The following ERMP1 variants were observed in gnomAD, a reference collection of about 807,000 sequenced individuals.
ERMP1 encodes the protein endoplasmic reticulum metallopeptidase 1, also known as Felix-ina.
In ERMP1, 86 loss-of-function variants were observed where a neutral mutation model predicts 92.0. That is an observed-to-expected ratio of 0.93 (90% CI 0.79 to 1.12). The LOEUF (loss-of-function observed/expected upper bound fraction) is 1.12, where lower values mean the gene tolerates loss of function less well. Among genes scored for constraint, ERMP1 ranks in the 50% most tolerant of loss-of-function variants. The pLI is 0.00. For synonymous variants in ERMP1, 530 were observed against 412.8 expected (o/e 1.28, Z -3.44); for missense variants, 1,342 against 1,116.3 (o/e 1.20, Z -2.88).
chr9:5,823,686 A>G (rs1464607991), intron 4 of ERMP1, among the ~76,000 whole-genome samples: 1 of 151,566 alleles, frequency 6.6e-6, no homozygotes, highest in African/African-American at 2.4e-5. Flanking sequence ...TTTGAACAAC[A>G]CTTGGCATAT....
intron 4 of ERMP1, among the ~76,000 whole-genome samples, chr9:5,823,527 G>C (rs1423413319): frequency 1.3e-5 from 2 of 152,122 alleles, no homozygotes; most frequent in Admixed American, 6.5e-5. Flanking sequence ...GGACTGTCTA[G>C]GTTCAAATCA....
Position 5,833,114 on chromosome 9 carries a change from T to A in ERMP1, c.-87A>T. The A allele has an allele frequency of 1.7e-6, 2 of 1,199,082 alleles. No individual in the cohort carries two copies. Among genetic ancestry groups the A allele is most frequent in the Non-Finnish European group, 2.2e-6 (2 of 910,514 alleles). The allele number at this position is 1,199,082 out of a possible 1,614,324, so 74.3% of individuals were successfully genotyped here. On this transcript the variant is annotated 5_prime_UTR_variant, in exon 1 of 15. Transcript: ENST00000339450. ...ACGCCGCCGTCGCTGCCGCAGCGCC[T>A]CCTAGTGAGCGGACGGAAACTGCAG...
intron 13 of ERMP1, among the ~76,000 whole-genome samples, chr9:5,791,770 A>G (rs943767671): frequency 2.6e-5 from 4 of 152,204 alleles, no homozygotes; most frequent in African/African-American, 9.7e-5. Context: ...TAACAATTCA[A>G]CACATGTCTT....
Position 5,828,681 on chromosome 9 carries a change from C to T in ERMP1, c.640+2046G>A, listed in dbSNP as rs556862611. Among the ~76,000 whole-genome samples the T allele has an allele frequency of 2.0e-5, 3 of 152,318 alleles. No homozygotes were observed. In the South Asian group the frequency reaches 6.2e-4, roughly 32 times the overall value. Reference sequence around the variant, plus strand: ...ATTTTCCTTGAGTATCTCCCATGTACATGAAGTGCATGTGTTAATAAACTT... The same window carrying T: ...ATTTTCCTTGAGTATCTCCCATGTATATGAAGTGCATGTGTTAATAAACTT... On this transcript the variant is annotated intron_variant, in intron 2 of 14. Transcript: ENST00000339450.
chr9:5,809,756 G>T (rs1033567742), intron 8 of ERMP1, among the ~76,000 whole-genome samples: 15 of 152,246 alleles, frequency 9.9e-5, no homozygotes, highest in East Asian at 3.8e-4. Flanking sequence ...GTAGAAGGCT[G>T]TGCTAACAAG....
chr9:5,825,621 T>A (rs533199296), intron 2 of ERMP1, among the ~76,000 whole-genome samples: 3 of 152,236 alleles, frequency 2.0e-5, no homozygotes, highest in East Asian at 3.8e-4. Context: ...GCTTCCTGCA[T>A]CATCTCCCAC....
At chr9:5,821,618 C>T (rs1167924503) in intron 4 of ERMP1, among the ~76,000 whole-genome samples, 6 of 152,094 alleles carry the variant, frequency 3.9e-5, no homozygotes, top group African/African-American at 1.4e-4. Context: ...AATATGTTAA[C>T]ATACGTACAT....
chr9:5,802,689 A>T (rs1311935133), intron 10 of ERMP1, among the ~76,000 whole-genome samples: 1 of 152,168 alleles, frequency 6.6e-6, no homozygotes, highest in Non-Finnish European at 1.5e-5. Context: ...CCCAGCAAGC[A>T]ATCAGTTAAT....
intron 13 of ERMP1, among the ~76,000 whole-genome samples, chr9:5,790,421 A>T (rs1354017088): frequency 6.6e-6 from 1 of 152,242 alleles, no homozygotes; most frequent in East Asian, 1.9e-4. Flanking sequence ...ATACTGTGAC[A>T]ACTGAGGCCA....
At chr9:5,826,450 T>C (rs1021865460) in intron 2 of ERMP1, among the ~76,000 whole-genome samples, 4 of 152,208 alleles carry the variant, frequency 2.6e-5, no homozygotes, top group Admixed American at 2.6e-4. Context: ...TCACACAAGA[T>C]AATGCCCAGT....
chr9:5,808,439 G>A lies in ERMP1; in HGVS notation c.1548+1572C>T, dbSNP rs564991029. Among the ~76,000 whole-genome samples the A allele has an allele frequency of 3.0e-4, 46 of 152,264 alleles. No homozygotes were observed. The South Asian group carries it at 6.2e-3, about 21-fold the overall frequency. On this transcript the variant is annotated intron_variant, in intron 8 of 14. Coordinates refer to ENST00000339450, the MANE Select transcript of ERMP1 (RefSeq NM_024896.3). ...AATATGAGCTCAACCATAAGCAGAC[G>A]GCTAACCTCAAAGAACCTTCCTTCA... is the stretch of plus-strand genomic sequence containing the variant.
At chr9:5,795,130 C>T (rs962396624) in intron 13 of ERMP1, among the ~76,000 whole-genome samples, 3 of 152,000 alleles carry the variant, frequency 2.0e-5, no homozygotes, top group African/African-American at 7.3e-5. Flanking sequence ...CATCAAAAGG[C>T]TAAGAAAGAA....
chr9:5,810,121 G>C lies in ERMP1; in HGVS notation c.1438C>G (p.Gln480Glu). The C allele has an allele frequency of 1.9e-6, 3 of 1,613,648 alleles. No individual in the cohort carries two copies. The highest frequency in any genetic ancestry group is 2.5e-6 in the Non-Finnish European group (3 of 1,179,576). The change falls in exon 8 of 15, where the codon CAG (glutamine) becomes GAG (glutamate). Residue 480 changes from glutamine (Q) to glutamate (E), a missense_variant. By Grantham distance (29) the Gln-to-Glu change is conservative. Coordinates refer to ENST00000339450, the MANE Select transcript of ERMP1 (RefSeq NM_024896.3). ...AAGTGGTTATACCATGAGAGAGACT[G>C]TCCAATAAGAGAGATGAACACTGCT... Reference protein sequence around the residue: ...IIAVFISLIGQSLSWYNHFYV... With the variant: ...IIAVFISLIGESLSWYNHFYV...
At chr9:5,857,061 C>T (rs1359083916) in intron 6 of ERMP1, among the ~76,000 whole-genome samples, 1 of 152,014 alleles carries the variant, frequency 6.6e-6, no homozygotes, top group Non-Finnish European at 1.5e-5. Context: ...TACTCTGTCA[C>T]CCAAGCTGGA....
chr9:5,798,768 G>C (rs200968138), intron 12 of ERMP1, 38 bp downstream of exon 12: 3 of 1,399,052 alleles, frequency 2.1e-6, no homozygotes, highest in East Asian at 2.3e-5. Flanking sequence ...CAAGACTTGA[G>C]AACAAACTAA....
At chr9:5,840,655 T>C (rs1407570696) in intron 6 of ERMP1, among the ~76,000 whole-genome samples, 2 of 152,272 alleles carry the variant, frequency 1.3e-5, no homozygotes. Context: ...CACTCCAGTA[T>C]GTTCTTCTGT....
At position 5,799,086 on chromosome 9, in the gene ERMP1, A is replaced by G. The variant is rs1309873397; in HGVS notation, c.2068-78T>C. 24 of 949,734 alleles carry G rather than the reference A, an allele frequency of 2.5e-5. No homozygotes were observed. In the East Asian group the frequency reaches 6.0e-4, roughly 24 times the overall value. 58.8% of individuals were successfully genotyped at this position (949,734 alleles called of 1,614,324 possible). ...CCACCCCAGATTACAAAAATGGAGTATGACAATACCAAGAAATGATGTGGA... is the reference window on the plus strand; with the variant it reads ...CCACCCCAGATTACAAAAATGGAGTGTGACAATACCAAGAAATGATGTGGA... On this transcript the variant is annotated intron_variant, in intron 11 of 14. Coordinates refer to ENST00000339450, the MANE Select transcript of ERMP1 (RefSeq NM_024896.3).
At chr9:5,829,742 C>T (rs966770036) in intron 2 of ERMP1, among the ~76,000 whole-genome samples, 2 of 152,164 alleles carry the variant, frequency 1.3e-5, no homozygotes, top group Admixed American at 1.3e-4. Context: ...TGTCTCTGAT[C>T]AGCGATGACC....
At chr9:5,812,660 C>T (rs1829140787) in intron 5 of ERMP1, 3 of 567,030 alleles carry the variant, frequency 5.3e-6, no homozygotes, top group Non-Finnish European at 6.3e-6. Context: ...CTAAACAGTT[C>T]ACCCCTGTTC....
Sources: gnomAD v4.1 joint callset for allele counts (sites outside exome capture counted in the v4.1 genomes callset) on GRCh38, gnomAD v4.1.1 for gene constraint, MANE v1.5 for transcripts, NCBI Gene and HGNC (gene_info 2026-07-23, HGNC 2026-07-21) for gene names.